Variants in PTK2 observed in about 807,000 individuals in gnomAD.
PTK2 encodes protein tyrosine kinase 2.
In PTK2, 45 loss-of-function variants were observed where a neutral mutation model predicts 150.1. The observed-to-expected ratio is 0.30, with a 90% CI of 0.24 to 0.38. The LOEUF is 0.38. Among genes scored for constraint, PTK2 ranks in the 10% least tolerant of loss-of-function variants. The probability of loss-of-function intolerance (pLI) is 1.00; values close to 1 mark genes in which losing one functional copy is unlikely to be tolerated. For missense variants in PTK2, 919 were observed against 1,307.3 expected (o/e 0.70, Z 4.58); for synonymous variants, 432 against 449.2 (o/e 0.96, Z 0.48).
At chr8:140,925,020 C>A (rs552211073) in intron 2 of PTK2, among the ~76,000 whole-genome samples, 2 of 152,198 alleles carry the variant, frequency 1.3e-5, no homozygotes, top group South Asian at 4.2e-4. Flanking sequence ...ATGAGAAGGT[C>A]CCTGGGAATG....
intron 1 of PTK2, among the ~76,000 whole-genome samples, chr8:140,984,487 G>C (rs1248890722): frequency 6.6e-6 from 1 of 152,156 alleles, no homozygotes; most frequent in African/African-American, 2.4e-5. Flanking sequence ...GACTGAATTG[G>C]AACTTAAAAT....
chr8:140,929,208 G>C (rs898224974), intron 1 of PTK2, among the ~76,000 whole-genome samples: 2 of 151,306 alleles, frequency 1.3e-5, no homozygotes, highest in Non-Finnish European at 2.9e-5. Flanking sequence ...CTCGTGATCC[G>C]CCCGCCTCGG....
At chr8:140,818,078 T>C (rs2100105813) in intron 10 of PTK2, among the ~76,000 whole-genome samples, 199 bp downstream of exon 10, 1 of 152,216 alleles carries the variant, frequency 6.6e-6, no homozygotes, top group Non-Finnish European at 1.5e-5. Context: ...ATTCCTTTCC[T>C]TCCAAAACTA....
rs145415657 is a variant in PTK2 at position 140,987,403 on chromosome 8, A to G, written c.-122+13722T>C. ...GTCATGTTGGCCAGGCTGGTCTCCA[A>G]CTCTTGACCTTAAGTGATCCACCTG... On this transcript the variant is annotated intron_variant, in intron 1 of 31. Coordinates refer to ENST00000522684, the Ensembl canonical transcript of PTK2. Among the ~76,000 whole-genome samples, 301 of 152,134 alleles carry G rather than the reference A, an allele frequency of 2.0e-3. 2 individuals carry two copies. The highest frequency in any genetic ancestry group is 7.0e-3 in the African/African-American group (290 of 41,498).
intron 2 of PTK2, among the ~76,000 whole-genome samples, chr8:140,910,451 A>C (rs1464661057): frequency 6.6e-6 from 1 of 152,182 alleles, no homozygotes; most frequent in East Asian, 1.9e-4. Context: ...CTCAAGTTAC[A>C]ATCCAAGTAA....
At chr8:140,740,182 A>G (rs1006382816) in intron 20 of PTK2, among the ~76,000 whole-genome samples, 5 of 152,292 alleles carry the variant, frequency 3.3e-5, no homozygotes, top group Admixed American at 3.3e-4. Context: ...AACAATCCCG[A>G]GTCCTTTTTT....
At chr8:140,886,905 T>G (rs906044128) in intron 3 of PTK2, among the ~76,000 whole-genome samples, 1 of 152,216 alleles carries the variant, frequency 6.6e-6, no homozygotes, top group Non-Finnish European at 1.5e-5. Context: ...ATTATTTTTC[T>G]GAATTATCAC....
chr8:140,999,096 T>TAAA (rs534631236), intron 1 of PTK2, among the ~76,000 whole-genome samples: 124 of 152,294 alleles, frequency 8.1e-4, no homozygotes, highest in African/African-American at 2.8e-3. Flanking sequence ...ATAATAAGGC[T>TAAA]TTTTAAGTCC....
chr8:140,761,879 T>A (rs1490113321), intron 15 of PTK2, among the ~76,000 whole-genome samples: 4 of 152,116 alleles, frequency 2.6e-5, no homozygotes, highest in Non-Finnish European at 5.9e-5. Flanking sequence ...ACATTATAAA[T>A]CATAAATATA....
chr8:140,739,781 G>A (rs1479421236), intron 20 of PTK2, among the ~76,000 whole-genome samples: 5 of 152,040 alleles, frequency 3.3e-5, no homozygotes, highest in African/African-American at 4.8e-5. Context: ...GCCCTGTGCC[G>A]TCCCCTCCCA....
At chr8:140,950,018 T>A (rs2100178986) in intron 1 of PTK2, among the ~76,000 whole-genome samples, 1 of 4,320 alleles carries the variant, frequency 2.3e-4, no homozygotes, top group African/African-American at 3.7e-4. Flanking sequence ...GCTACCCACT[T>A]TGGGTCTCTT....
At chr8:140,959,255 G>A (rs2100182238) in intron 1 of PTK2, among the ~76,000 whole-genome samples, 2 of 151,970 alleles carry the variant, frequency 1.3e-5, no homozygotes, top group African/African-American at 4.8e-5. Flanking sequence ...AGTAGGCCGG[G>A]CGCAGTGGCT....
intron 4 of PTK2, among the ~76,000 whole-genome samples, chr8:140,872,198 C>T (rs1428017978): frequency 6.6e-6 from 1 of 152,048 alleles, no homozygotes; most frequent in African/African-American, 2.4e-5. Context: ...GTGTGCACCA[C>T]CATGCCTGGC....
intron 25 of PTK2, among the ~76,000 whole-genome samples, chr8:140,701,804 A>G (rs777377000): frequency 6.6e-6 from 1 of 152,148 alleles, no homozygotes. Context: ...GCATTTGAGT[A>G]GATGGGGTAT....
At chr8:140,783,478 A>G (rs560183162) in intron 14 of PTK2, among the ~76,000 whole-genome samples, 8 of 152,344 alleles carry the variant, frequency 5.3e-5, no homozygotes, top group African/African-American at 1.7e-4. Context: ...AGACACATGC[A>G]TATGTAAATA....
chr8:140,882,526 C>T (rs1332439132), intron 3 of PTK2, among the ~76,000 whole-genome samples: 3 of 152,208 alleles, frequency 2.0e-5, no homozygotes, highest in African/African-American at 7.2e-5. Flanking sequence ...TGAAACCTGT[C>T]TCTCATAACC....
At position 140,860,947 on chromosome 8, in the gene PTK2, T is replaced by C. The variant is rs188648936; in HGVS notation, c.450+3365A>G. Among the ~76,000 whole-genome samples, 385 of 152,364 alleles carry C rather than the reference T, an allele frequency of 2.5e-3. 2 individuals carry two copies. Among genetic ancestry groups the C allele is most frequent in the African/African-American group, 8.9e-3 (370 of 41,578 alleles). The stretch of plus-strand genomic sequence containing the variant: ...TGACTATACTTTCTTTTAAAATGTA[T>C]GTACTTGATAAACTATTACAAAAGG... On this transcript the variant is annotated intron_variant, in intron 5 of 31. Coordinates refer to ENST00000522684, the Ensembl canonical transcript of PTK2.
At chr8:140,731,837 A>G (rs2100049583) in intron 22 of PTK2, among the ~76,000 whole-genome samples, 1 of 152,146 alleles carries the variant, frequency 6.6e-6, no homozygotes, top group Non-Finnish European at 1.5e-5. Flanking sequence ...TGGGAGGTGG[A>G]GGTTGCAGGC....
chr8:140,672,244 G>C, intron 29 of PTK2: 1 of 401,288 alleles, frequency 2.5e-6, no homozygotes, highest in South Asian at 1.8e-5. Flanking sequence ...GCGCAGGCCA[G>C]ATTCAAACTT....
Sources: gnomAD v4.1 joint callset for allele counts (sites outside exome capture counted in the v4.1 genomes callset) on GRCh38, gnomAD v4.1.1 for gene constraint, MANE v1.5 for transcripts, NCBI Gene and HGNC (gene_info 2026-07-23, HGNC 2026-07-21) for gene names.